Variants in SGSM1 observed in about 807,000 individuals in gnomAD.
The protein encoded by SGSM1 is RUN and TBC1 domain containing 2.
In SGSM1, 73 loss-of-function variants were observed where a neutral mutation model predicts 133.8. The ratio of observed to expected loss-of-function variants is 0.55; its 90% confidence interval spans 0.45 to 0.66. The LOEUF is 0.66. Among genes scored for constraint, SGSM1 ranks in the 30% least tolerant of loss-of-function variants. The pLI, the probability that SGSM1 is intolerant of heterozygous loss-of-function variation, is 0.00. For missense variants in SGSM1, 1,213 were observed against 1,448.1 expected, an observed-to-expected ratio of 0.84 and a Z score of 2.64; for synonymous variants, 563 against 573.0, an observed-to-expected ratio of 0.98 and a Z score of 0.25.
chr22:24,897,758 C>T (rs1017814992), intron 18 of SGSM1, among the ~76,000 whole-genome samples: 1 of 152,210 alleles, frequency 6.6e-6, no homozygotes, highest in Non-Finnish European at 1.5e-5. Context: ...CGTGAGCCAC[C>T]ATGCCCAGCC....
At chr22:24,908,055 A>C (rs1340634811) in intron 21 of SGSM1, among the ~76,000 whole-genome samples, 1 of 152,158 alleles carries the variant, frequency 6.6e-6, no homozygotes, top group East Asian at 1.9e-4. Context: ...CCCATAAGTA[A>C]GCCCTTACAT....
intron 9 of SGSM1, among the ~76,000 whole-genome samples, chr22:24,862,856 G>T (rs779439656): frequency 9.9e-5 from 15 of 152,122 alleles, no homozygotes; most frequent in Admixed American, 2.0e-4. Flanking sequence ...TTTATCAAGT[G>T]GGGGAGTAGG....
intron 4 of SGSM1, 95 bp downstream of exon 4, chr22:24,847,891 T>C: frequency 2.1e-6 from 3 of 1,455,894 alleles, no homozygotes; most frequent in Non-Finnish European, 2.8e-6. Flanking sequence ...CCTAGCACTC[T>C]TTTCAGTCTC....
At chr22:24,903,589 G>T (rs764763871) in intron 20 of SGSM1, among the ~76,000 whole-genome samples, 42 of 152,192 alleles carry the variant, frequency 2.8e-4, no homozygotes, top group Non-Finnish European at 5.3e-4. Flanking sequence ...ATGCTGGGAA[G>T]AAGTAAAAAT....
At chr22:24,882,920 CAG>C (rs376202716) in intron 14 of SGSM1, among the ~76,000 whole-genome samples, 21 of 147,874 alleles carry the variant, frequency 1.4e-4, no homozygotes, top group East Asian at 1.0e-3. Context: ...TTTTTTGAGA[CAG>C]AGTCTCGCTC....
intron 2 of SGSM1, among the ~76,000 whole-genome samples, chr22:24,814,351 C>G (rs1439640279): frequency 6.6e-6 from 1 of 151,954 alleles, no homozygotes; most frequent in East Asian, 1.9e-4. Flanking sequence ...TATTGATCCC[C>G]CATGAAGTAG....
At chr22:24,920,881 G>T (rs565664626) in intron 24 of SGSM1, among the ~76,000 whole-genome samples, 10 of 152,020 alleles carry the variant, frequency 6.6e-5, no homozygotes, top group Non-Finnish European at 8.8e-5. Context: ...ACATAACCCT[G>T]GTACATTTGC....
At chr22:24,864,345 C>T (rs1931331028) in intron 9 of SGSM1, among the ~76,000 whole-genome samples, 1 of 152,162 alleles carries the variant, frequency 6.6e-6, no homozygotes, top group Non-Finnish European at 1.5e-5. Flanking sequence ...AAACTTAGCC[C>T]ACACAAAAAC....
rs746182661 is a variant in SGSM1 at position 24,854,981 on chromosome 22, C to G, written c.456-15C>G. On this transcript the variant is annotated splice_polypyrimidine_tract_variant and intron_variant, in intron 5 of 24. Coordinates refer to ENST00000400358, the MANE Select transcript of SGSM1 (RefSeq NM_001098497.3). ...TGGTCTCCATCCAAACCTGCATATT[C>G]TCTCCTCTTGCTAGTAAATACTATG... The G allele has an allele frequency of 1.9e-5, 30 of 1,610,484 alleles. No individual in the cohort carries two copies. In the Admixed American group the frequency reaches 5.0e-4, roughly 27 times the overall value.
chr22:24,831,126 C>T (rs978571460), intron 2 of SGSM1, among the ~76,000 whole-genome samples: 2 of 141,400 alleles, frequency 1.4e-5, no homozygotes, highest in African/African-American at 6.4e-5. Flanking sequence ...TTGATGGAGA[C>T]GGAGGTCAGC....
At chr22:24,826,506 G>A (rs964635859) in intron 2 of SGSM1, among the ~76,000 whole-genome samples, 1 of 152,222 alleles carries the variant, frequency 6.6e-6, no homozygotes, top group Admixed American at 6.5e-5. Context: ...TGTTACTAAT[G>A]TAGTCCGATT....
intron 21 of SGSM1, 63 bp downstream of exon 21, chr22:24,905,250 G>C (rs1012237516): frequency 1.4e-6 from 2 of 1,480,806 alleles, no homozygotes; most frequent in Non-Finnish European, 1.9e-6. Context: ...ATGGCAGAAG[G>C]CTTAATCTCA....
chr22:24,855,994 C>A, intron 8 of SGSM1: 1 of 521,848 alleles, frequency 1.9e-6, no homozygotes, highest in South Asian at 1.8e-5. Flanking sequence ...TACATTCACC[C>A]ATCCACCCAT....
chr22:24,807,402 T>C (rs1447418849), intron 2 of SGSM1, among the ~76,000 whole-genome samples: 1 of 152,098 alleles, frequency 6.6e-6, no homozygotes, highest in Non-Finnish European at 1.5e-5. Flanking sequence ...GTATCTGTTT[T>C]TGTGAGGGTG....
intron 2 of SGSM1, among the ~76,000 whole-genome samples, chr22:24,806,710 G>T (rs1164733352): frequency 1.3e-5 from 2 of 151,830 alleles, no homozygotes; most frequent in Non-Finnish European, 2.9e-5. Context: ...GGCTTTTTGC[G>T]GGGGCGGATG....
At chr22:24,861,736 C>T (rs950221861) in intron 9 of SGSM1, among the ~76,000 whole-genome samples, 20 of 151,692 alleles carry the variant, frequency 1.3e-4, no homozygotes, top group Admixed American at 1.1e-3. Flanking sequence ...TCGTTAGATA[C>T]GGGGTTTCAT....
rs1932965999 is a variant in SGSM1, at chr22:24,897,985, T to C, written c.2036T>C (p.Val679Ala). ...CCTTGTCCTCAGGTGTTTGAGTCTG[T>C]GGATGAGGTGGAGCAGGTGGAGGCT... ...SSSSTQVFES[V>A]DEVEQVEAEG... Residue 679 changes from valine to alanine, a missense_variant, in exon 19 of 25, where the codon GTG becomes GCG. By Grantham distance (64) the Val-to-Ala change is moderately conservative (BLOSUM62 0). Transcript: ENST00000400358. 6.2e-7 allele frequency: 1 copy of C among 1,600,072 alleles called. No individual in the cohort carries two copies. Among genetic ancestry groups the C allele is most frequent in the Admixed American group, 1.7e-5 (1 of 57,310 alleles).
At chr22:24,889,466 G>T (rs143660783) in intron 16 of SGSM1, among the ~76,000 whole-genome samples, 3,552 of 149,022 alleles carry the variant, frequency 0.024, 51 homozygotes, top group South Asian at 0.039. Flanking sequence ...CTGCAGTGCA[G>T]TGGTGTGATC....
chr22:24,806,285 C>T lies in SGSM1; in HGVS notation c.-41C>T, dbSNP rs1218914291. The T allele has an allele frequency of 4.2e-6, 6 of 1,414,012 alleles. No individual in the cohort carries two copies. The highest frequency in any genetic ancestry group is 3.7e-6 in the Non-Finnish European group (4 of 1,088,726). The allele number at this position is 1,414,012 out of a possible 1,614,324, so 87.6% of individuals were successfully genotyped here. ...CCGGAGGAGCTACCGCCGCCACCGC[C>T]GCCACCGCCTCCTGGGACTCGGAAC... On this transcript the variant is annotated 5_prime_UTR_variant, in exon 1 of 25. Coordinates refer to ENST00000400358, the MANE Select transcript of SGSM1 (RefSeq NM_001098497.3).
Sources: allele counts gnomAD v4.1 joint callset (sites outside exome capture counted in the v4.1 genomes callset), GRCh38; gene constraint gnomAD v4.1.1; transcripts MANE v1.5; gene names NCBI Gene and HGNC (gene_info 2026-07-23, HGNC 2026-07-21).